DACH1: variants seen among roughly 807,000 people sequenced by gnomAD.
DACH1 encodes the protein dachshund family transcription factor 1.
Under a neutral mutation model 54.2 loss-of-function variants are expected in DACH1, and 12 were observed. The observed-to-expected ratio is 0.22, with a 90% CI of 0.14 to 0.36. The LOEUF (loss-of-function observed/expected upper bound fraction) is 0.36. DACH1 is among the 10% of genes least tolerant of loss of function. DACH1 has a pLI of 1.00. For synonymous variants in DACH1, 386 were observed against 366.2 expected (o/e 1.05, Z -0.62); for missense variants, 805 against 929.8 (o/e 0.87, Z 1.75).
chr13:71,656,594 C>G (rs371419610), intron 2 of DACH1, among the ~76,000 whole-genome samples: 1 of 151,952 alleles, frequency 6.6e-6, no homozygotes, highest in African/African-American at 2.4e-5. Flanking sequence ...AACATTTTTA[C>G]TACTTTATTT....
rs869289138 is a variant in DACH1 at position 71,693,296 on chromosome 13, C to CTTTTTTTTTTTTTTTTT, written c.849-11403_849-11387dup. Among the ~76,000 whole-genome samples, 4 of 90,962 alleles carry CTTTTTTTTTTTTTTTTT rather than the reference C, an allele frequency of 4.4e-5. 1 individual carries two copies. Among genetic ancestry groups the CTTTTTTTTTTTTTTTTT allele is most frequent in the African/African-American group, 1.5e-4 (3 of 19,394 alleles). 59.7% of individuals were successfully genotyped at this position (90,962 alleles called of 152,430 possible). ...AATACCCTCTTATCCATTTGTTTTGCTTTTTTTTTTTTTTTTTTTTTTTGA... is the reference window on the plus strand; with the variant it reads ...AATACCCTCTTATCCATTTGTTTTGCTTTTTTTTTTTTTTTTTTTTTTTTTTTTTTTTTTTTTTTTGA... On this transcript the variant is annotated intron_variant, in intron 1 of 10. Transcript: ENST00000613252.
chr13:71,855,266 A>T (rs1024997004), intron 1 of DACH1, among the ~76,000 whole-genome samples: 2 of 152,022 alleles, frequency 1.3e-5, no homozygotes, highest in African/African-American at 4.8e-5. Flanking sequence ...GAATTTGCTC[A>T]CCTCAATTTC....
chr13:71,706,642 T>G (rs1447370207), intron 1 of DACH1, among the ~76,000 whole-genome samples: 1 of 152,194 alleles, frequency 6.6e-6, no homozygotes, highest in African/African-American at 2.4e-5. Flanking sequence ...CTAAATTCTT[T>G]CAGAATAATT....
At chr13:71,745,211 A>G (rs1268138494) in intron 1 of DACH1, among the ~76,000 whole-genome samples, 1 of 152,088 alleles carries the variant, frequency 6.6e-6, no homozygotes, top group African/African-American at 2.4e-5. Flanking sequence ...TTATTAAAGA[A>G]CTCATCTGTC....
At chr13:71,848,309 T>A (rs1381013367) in intron 1 of DACH1, among the ~76,000 whole-genome samples, 1 of 152,212 alleles carries the variant, frequency 6.6e-6, no homozygotes, top group African/African-American at 2.4e-5. Context: ...TCAAATTTTC[T>A]TTGAAAGTTA....
chr13:71,733,145 A>G (rs1359854149), intron 1 of DACH1, among the ~76,000 whole-genome samples: 2 of 152,162 alleles, frequency 1.3e-5, no homozygotes, highest in Non-Finnish European at 1.5e-5. Context: ...TTAAATTATT[A>G]CTACTATTTG....
At chr13:71,778,366 A>G (rs975207717) in intron 1 of DACH1, among the ~76,000 whole-genome samples, 34 of 151,994 alleles carry the variant, frequency 2.2e-4, no homozygotes, top group African/African-American at 8.2e-4. Context: ...CATTTTACTG[A>G]TCTTTGTCTT....
chr13:71,496,273 A>G (rs1397006252), intron 6 of DACH1, among the ~76,000 whole-genome samples: 3 of 103,070 alleles, frequency 2.9e-5, no homozygotes, highest in Admixed American at 1.0e-4. Flanking sequence ...ATATATATAT[A>G]TATATATATA....
intron 2 of DACH1, among the ~76,000 whole-genome samples, chr13:71,662,436 G>C (rs1033361447): frequency 1.3e-5 from 2 of 151,864 alleles, no homozygotes; most frequent in South Asian, 4.2e-4. Flanking sequence ...TAACAGTCTT[G>C]AGCAAGAAAA....
chr13:71,628,141 A>G (rs536986535), intron 3 of DACH1, among the ~76,000 whole-genome samples: 2 of 152,136 alleles, frequency 1.3e-5, no homozygotes, highest in East Asian at 3.9e-4. Flanking sequence ...ATTACTGAAC[A>G]CTTACCAAGA....
chr13:71,721,400 T>C (rs1883223892), intron 1 of DACH1, among the ~76,000 whole-genome samples: 1 of 152,084 alleles, frequency 6.6e-6, no homozygotes, highest in African/African-American at 2.4e-5. Context: ...GATGAACATA[T>C]TTTCATCTAC....
chr13:71,656,921 CATATATATATATAT>C (rs71123235), intron 2 of DACH1, among the ~76,000 whole-genome samples: 8 of 83,424 alleles, frequency 9.6e-5, no homozygotes, highest in South Asian at 5.2e-4. Flanking sequence ...GTTCTTCTTT[CATATATATATATAT>C]ATATATATAT....
chr13:71,861,472 G>A (rs2138292223), intron 1 of DACH1, among the ~76,000 whole-genome samples: 1 of 152,052 alleles, frequency 6.6e-6, no homozygotes, highest in South Asian at 2.1e-4. Context: ...AGTATAATTT[G>A]ACTGAACAAA....
intron 1 of DACH1, among the ~76,000 whole-genome samples, chr13:71,851,781 A>T (rs1873684606): frequency 6.6e-6 from 1 of 152,242 alleles, no homozygotes; most frequent in African/African-American, 2.4e-5. Context: ...CAGTCCTGCC[A>T]TCAAGCACAT....
At chr13:71,589,035 AAAAAT>A (rs1350713865) in intron 3 of DACH1, among the ~76,000 whole-genome samples, 1 of 152,172 alleles carries the variant, frequency 6.6e-6, no homozygotes, top group Admixed American at 6.5e-5. Context: ...TGTTTATCAA[AAAAAT>A]AAAATAAAAA....
intron 10 of DACH1, among the ~76,000 whole-genome samples, chr13:71,469,026 G>A (rs1876840846): frequency 6.6e-6 from 1 of 152,126 alleles, no homozygotes; most frequent in African/African-American, 2.4e-5. Context: ...GGTTGGGAGT[G>A]GTTATCTTAT....
At chr13:71,446,084 T>A (rs1490065070) in intron 10 of DACH1, among the ~76,000 whole-genome samples, 1 of 152,172 alleles carries the variant, frequency 6.6e-6, no homozygotes, top group African/African-American at 2.4e-5. Context: ...ATTATTGGAA[T>A]CCCTGGAGTG....
chr13:71,736,928 C>T (rs796201534), intron 1 of DACH1, among the ~76,000 whole-genome samples: 1 of 152,124 alleles, frequency 6.6e-6, no homozygotes, highest in African/African-American at 2.4e-5. Context: ...AAAACCATAA[C>T]ACCATATACA....
At chr13:71,700,736 C>A (rs1302884722) in intron 1 of DACH1, among the ~76,000 whole-genome samples, 3 of 151,986 alleles carry the variant, frequency 2.0e-5, no homozygotes, top group Non-Finnish European at 4.4e-5. Flanking sequence ...TGTAATATGG[C>A]AAGAAAGAAG....
Sources: gnomAD v4.1 joint callset for allele counts (sites outside exome capture counted in the v4.1 genomes callset) on GRCh38, gnomAD v4.1.1 for gene constraint, MANE v1.5 for transcripts, NCBI Gene and HGNC (gene_info 2026-07-23, HGNC 2026-07-21) for gene names.